KCTD8: variants seen among roughly 807,000 people sequenced by gnomAD.
The protein encoded by KCTD8 is potassium channel tetramerization domain containing 8.
Under a neutral mutation model 31.5 loss-of-function variants are expected in KCTD8, and 27 were observed. The ratio of observed to expected loss-of-function variants is 0.86; its 90% CI spans 0.63 to 1.18. The LOEUF is 1.18. Among genes scored for constraint, KCTD8 ranks in the 50% most tolerant of loss-of-function variants. The probability of loss-of-function intolerance (pLI) is 0.00; values close to 1 mark genes in which losing one functional copy is unlikely to be tolerated. For synonymous variants in KCTD8, 290 were observed against 280.0 expected, an observed-to-expected ratio of 1.04 and a Z score of -0.36; for missense variants, 658 against 647.7, an observed-to-expected ratio of 1.02 and a Z score of -0.17.
At chr4:44,373,020 T>C (rs1444753792) in intron 1 of KCTD8, among the ~76,000 whole-genome samples, 1 of 152,130 alleles carries the variant, frequency 6.6e-6, no homozygotes. Flanking sequence ...CTTACAAATT[T>C]GCCATCTCTT....
chr4:44,379,087 A>T (rs1719993550), intron 1 of KCTD8, among the ~76,000 whole-genome samples: 1 of 152,070 alleles, frequency 6.6e-6, no homozygotes. Context: ...TTGGGCCCAC[A>T]CAGATAATCC....
chr4:44,278,833 A>G (rs1716820819), intron 1 of KCTD8, among the ~76,000 whole-genome samples: 1 of 152,020 alleles, frequency 6.6e-6, no homozygotes, highest in Non-Finnish European at 1.5e-5. Context: ...AGATATGGAG[A>G]GAACAGACTC....
chr4:44,254,884 T>C (rs1043092855), intron 1 of KCTD8, among the ~76,000 whole-genome samples: 4 of 151,874 alleles, frequency 2.6e-5, no homozygotes, highest in African/African-American at 9.7e-5. Flanking sequence ...AGCATATATC[T>C]ATCTGGGCTT....
chr4:44,400,029 A>G (rs1436575051), intron 1 of KCTD8, among the ~76,000 whole-genome samples: 1 of 152,224 alleles, frequency 6.6e-6, no homozygotes, highest in Admixed American at 6.5e-5. Flanking sequence ...TAGATTGTCT[A>G]CTATTAACAT....
intron 1 of KCTD8, among the ~76,000 whole-genome samples, chr4:44,371,692 G>T (rs1279551082): frequency 6.6e-6 from 1 of 152,090 alleles, no homozygotes. Flanking sequence ...GTTAAAAGTG[G>T]TTCTCTCTAG....
At chr4:44,204,476 C>T (rs1016646162) in intron 1 of KCTD8, among the ~76,000 whole-genome samples, 28 of 152,236 alleles carry the variant, frequency 1.8e-4, no homozygotes, top group African/African-American at 6.7e-4. Context: ...GTTCTAATTA[C>T]TGGTGCATGC....
At chr4:44,414,584 G>T (rs1721030748) in intron 1 of KCTD8, among the ~76,000 whole-genome samples, 1 of 152,160 alleles carries the variant, frequency 6.6e-6, no homozygotes, top group African/African-American at 2.4e-5. Context: ...TACTGTCATG[G>T]CCAGTCTTCC....
chr4:44,232,645 G>A (rs1005353851), intron 1 of KCTD8, among the ~76,000 whole-genome samples: 1 of 152,100 alleles, frequency 6.6e-6, no homozygotes, highest in East Asian at 1.9e-4. Context: ...TTTATCTTCT[G>A]AGATATGACA....
intron 1 of KCTD8, among the ~76,000 whole-genome samples, chr4:44,254,334 G>A (rs545765619): frequency 6.6e-6 from 1 of 152,022 alleles, no homozygotes; most frequent in Admixed American, 6.6e-5. Flanking sequence ...CCAGGGCAAA[G>A]ATCAAATATA....
At chr4:44,236,129 C>G (rs1715283699) in intron 1 of KCTD8, among the ~76,000 whole-genome samples, 1 of 152,160 alleles carries the variant, frequency 6.6e-6, no homozygotes, top group Admixed American at 6.5e-5. Flanking sequence ...GGTCACAGCT[C>G]CAGCAACTCA....
At chr4:44,252,228 C>T (rs1201092433) in intron 1 of KCTD8, among the ~76,000 whole-genome samples, 1 of 151,606 alleles carries the variant, frequency 6.6e-6, no homozygotes, top group Non-Finnish European at 1.5e-5. Context: ...CCATTGTATC[C>T]ATTGTATGCA....
At chr4:44,348,456 A>T (rs1026666999) in intron 1 of KCTD8, among the ~76,000 whole-genome samples, 4 of 152,198 alleles carry the variant, frequency 2.6e-5, no homozygotes, top group Admixed American at 1.3e-4. Flanking sequence ...AATATAAACT[A>T]GCCAGAATCT....
chr4:44,283,881 C>G (rs1716978741), intron 1 of KCTD8, among the ~76,000 whole-genome samples: 2 of 151,994 alleles, frequency 1.3e-5, no homozygotes, highest in Admixed American at 6.6e-5. Flanking sequence ...TTCACAATTG[C>G]TACTAAGAGA....
intron 1 of KCTD8, among the ~76,000 whole-genome samples, chr4:44,232,908 ATTG>A (rs1353129260): frequency 5.3e-5 from 8 of 152,152 alleles, no homozygotes; most frequent in East Asian, 1.9e-4. Flanking sequence ...TAAGTAGAAA[ATTG>A]TTGTCTTTGA....
At chr4:44,298,532 TAAATGTATTTCA>T (rs1261116148) in intron 1 of KCTD8, among the ~76,000 whole-genome samples, 1 of 152,088 alleles carries the variant, frequency 6.6e-6, no homozygotes, top group Non-Finnish European at 1.5e-5. Flanking sequence ...ATAAGATATA[TAAATGTATTTCA>T]AAATCACCTG....
At chr4:44,192,661 T>C (rs1713799638) in intron 1 of KCTD8, among the ~76,000 whole-genome samples, 1 of 152,334 alleles carries the variant, frequency 6.6e-6, no homozygotes, top group South Asian at 2.1e-4. Context: ...TTAATACGAA[T>C]GCCAACTTGA....
chr4:44,424,096 T>G (rs1453441962), intron 1 of KCTD8, among the ~76,000 whole-genome samples: 1 of 152,100 alleles, frequency 6.6e-6, no homozygotes, highest in African/African-American at 2.4e-5. Flanking sequence ...TTTTATACAA[T>G]GAATGCCATA....
At chr4:44,406,777 A>T (rs1470141466) in intron 1 of KCTD8, among the ~76,000 whole-genome samples, 3 of 152,232 alleles carry the variant, frequency 2.0e-5, no homozygotes, top group African/African-American at 7.2e-5. Context: ...AAACAAACTT[A>T]TAATTCCCAA....
At chr4:44,176,676 A>G (rs1713225929) in intron 1 of KCTD8, among the ~76,000 whole-genome samples, 1 of 152,196 alleles carries the variant, frequency 6.6e-6, no homozygotes, top group Non-Finnish European at 1.5e-5. Context: ...ACTTTTTGGA[A>G]TTATGGAAAT....
Sources: gnomAD v4.1 joint callset for allele counts (sites outside exome capture counted in the v4.1 genomes callset) on GRCh38, gnomAD v4.1.1 for gene constraint, MANE v1.5 for transcripts, NCBI Gene and HGNC (gene_info 2026-07-23, HGNC 2026-07-21) for gene names.